Variants in PRKCZ observed in about 807,000 individuals in gnomAD.
The protein encoded by PRKCZ is protein kinase C zeta type.
Under a neutral mutation model 79.5 loss-of-function variants are expected in PRKCZ, and 33 were observed. That is an observed-to-expected ratio of 0.41 (90% CI 0.31 to 0.55). The LOEUF (loss-of-function observed/expected upper bound fraction) is 0.55. Among genes scored for constraint, PRKCZ ranks in the 20% least tolerant of loss-of-function variants. The pLI, the probability that PRKCZ is intolerant of heterozygous loss-of-function variation, is 0.19. For missense variants in PRKCZ, 578 were observed against 813.5 expected (o/e 0.71, Z 3.52); for synonymous variants, 342 against 320.9 (o/e 1.07, Z -0.70).
intron 11 of PRKCZ, among the ~76,000 whole-genome samples, chr1:2,170,248 G>A (rs414777): frequency 0.24 from 35,811 of 152,060 alleles, 4,869 homozygotes; most frequent in Admixed American, 0.33. Flanking sequence ...CCTGGCAGCC[G>A]AGGGGCCTCC....
At chr1:2,056,665 A>G (rs1300081989) in intron 3 of PRKCZ, 92 bp downstream of exon 3, 1 of 1,175,260 alleles carries the variant, frequency 8.5e-7, no homozygotes, top group East Asian at 2.7e-5. Flanking sequence ...AATGGTTTAA[A>G]ATCCTATGAT....
rs551194608 is a variant in PRKCZ at position 2,063,845 on chromosome 1, CTT to C, written c.334+4271_334+4272del. ...TTTTTCATGTGCCTGTTGGCCATTT[CTT>C]TTTTTTTTTTTTTTTTGAGTTGGAG... On this transcript the variant is annotated intron_variant, in intron 4 of 17. Coordinates refer to ENST00000378567, the MANE Select transcript of PRKCZ (RefSeq NM_002744.6). Among the ~76,000 whole-genome samples the C allele has an allele frequency of 9.3e-4, 116 of 124,466 alleles. 1 individual carries two copies. In the South Asian group the frequency reaches 0.011, roughly 11 times the overall value. 81.7% of individuals were successfully genotyped at this position (124,466 alleles called of 152,430 possible). A position where few individuals can be genotyped will look rare whatever the true frequency, so the allele number is the denominator to read the frequency against.
chr1:2,096,013 A>T (rs1006553031), intron 4 of PRKCZ, among the ~76,000 whole-genome samples: 7 of 149,886 alleles, frequency 4.7e-5, no homozygotes, highest in Non-Finnish European at 1.0e-4. Context: ...TCTGCGGAGT[A>T]AATGGGTGTG....
intron 4 of PRKCZ, among the ~76,000 whole-genome samples, chr1:2,097,708 G>T (rs1666763492): frequency 1.3e-5 from 2 of 152,238 alleles, no homozygotes; most frequent in African/African-American, 4.8e-5. Context: ...TGCCAGGGGG[G>T]CCCAGGCTCC....
chr1:2,062,918 A>G lies in PRKCZ; in HGVS notation c.334+3327A>G, dbSNP rs117047034. On this transcript the variant is annotated intron_variant, in intron 4 of 17. Coordinates refer to ENST00000378567, the MANE Select transcript of PRKCZ (RefSeq NM_002744.6). ...CAGACTCAGCCTCTGTCTCCATGAAACACTCACTCCCCATTCTGCCTCCCC... is the reference window on the plus strand; with the variant it reads ...CAGACTCAGCCTCTGTCTCCATGAAGCACTCACTCCCCATTCTGCCTCCCC... Among the ~76,000 whole-genome samples the G allele has an allele frequency of 1.8e-3, 276 of 152,192 alleles. 4 individuals carry two copies. In the East Asian group the frequency reaches 0.046, roughly 25 times the overall value.
In PRKCZ at chr1:2,124,032, C is replaced by T. The variant is rs1384295162; in HGVS notation, c.335-11230C>T. ...ACGGTGGCGGTTAGGGTCACGGCGG[C>T]GGTTAGGGTCACGGCGGCGGTTAGG... On this transcript the variant is annotated intron_variant, in intron 4 of 17. Coordinates refer to ENST00000378567, the MANE Select transcript of PRKCZ (RefSeq NM_002744.6). Among the ~76,000 whole-genome samples, 12 of 2,158 alleles carry T rather than the reference C, an allele frequency of 5.6e-3. 5 individuals are homozygous for T. The highest frequency in any genetic ancestry group is 0.034 in the African/African-American group (9 of 266). The allele number at this position is 2,158 out of a possible 152,430, so 1.4% of individuals were successfully genotyped here. A position where few individuals can be genotyped will look rare whatever the true frequency, so the allele number is the denominator to read the frequency against.
intron 4 of PRKCZ, among the ~76,000 whole-genome samples, chr1:2,090,341 G>C (rs764150629): frequency 1.3e-5 from 2 of 152,172 alleles, no homozygotes; most frequent in Non-Finnish European, 2.9e-5. Context: ...CCGCAGAAGG[G>C]GCCCGTGCAC....
rs1287498551 is a variant in PRKCZ, at chr1:2,173,477, C to G, written c.1286-420C>G. 6.6e-6 allele frequency among the ~76,000 whole-genome samples: 1 copy of G among 152,230 alleles called. No homozygotes were observed. Among genetic ancestry groups the G allele is most frequent in the Non-Finnish European group, 1.5e-5 (1 of 68,048 alleles). Reference sequence around the variant, plus strand: ...GAACACATTCCCAACAGGTTGACTACTTGAACCTTTTTAAAAAACAAAATG... The same window carrying G: ...GAACACATTCCCAACAGGTTGACTAGTTGAACCTTTTTAAAAAACAAAATG... On this transcript the variant is annotated intron_variant, in intron 13 of 17. Coordinates refer to ENST00000378567, the MANE Select transcript of PRKCZ (RefSeq NM_002744.6). This position sits in a 1 kb window ranked among gnomAD's most constrained non-coding sequence, Gnocchi z 5.7.
intron 4 of PRKCZ, among the ~76,000 whole-genome samples, chr1:2,099,045 G>A (rs903810328): frequency 4.0e-5 from 6 of 151,282 alleles, no homozygotes; most frequent in East Asian, 3.9e-4. Context: ...TGTGACTTCC[G>A]TCGTTGTCTG....
In PRKCZ at chr1:2,082,325, A is replaced by G. The variant is rs1271408594; in HGVS notation, c.334+22734A>G. 1.1e-5 allele frequency: 5 copies of G among 454,300 alleles called. No homozygotes were observed. The East Asian group carries it at 2.8e-4, about 25-fold the overall frequency. The allele number at this position is 454,300 out of a possible 1,614,324, so 28.1% of individuals were successfully genotyped here. On this transcript the variant is annotated intron_variant, in intron 4 of 17. Transcript: ENST00000378567. This position sits in a 1 kb window ranked among gnomAD's most constrained non-coding sequence, Gnocchi z 4.4. ...CTGCCAGAGCGGCTGTTCAAGATGG[A>G]CTTGGCAAATCACCTCTTTCAAGTT...
chr1:2,076,596 G>T (rs558129645), intron 4 of PRKCZ, among the ~76,000 whole-genome samples: 4 of 152,212 alleles, frequency 2.6e-5, no homozygotes, highest in Admixed American at 1.3e-4. Flanking sequence ...ACAAAAATTA[G>T]CTGGGCGTGG....
At position 2,172,013 on chromosome 1, in the gene PRKCZ, C is replaced by T; in HGVS notation, c.1062-42C>T. ...CAGGCTGGAGCTGTTGGCGCAGCCT[C>T]TGGCACAGGCACTGCCCCCATGACG... is the stretch of plus-strand genomic sequence containing the variant. On this transcript the variant is annotated intron_variant, in intron 11 of 17. Coordinates refer to ENST00000378567, the MANE Select transcript of PRKCZ (RefSeq NM_002744.6). This position sits in a 1 kb window ranked among gnomAD's most constrained non-coding sequence, Gnocchi z 7.8. 2 of 1,556,244 alleles carry T rather than the reference C, an allele frequency of 1.3e-6. No homozygotes were observed. Among genetic ancestry groups the T allele is most frequent in the East Asian group, 2.3e-5 (1 of 44,366 alleles).
chr1:2,056,815 G>A (rs1260634079), intron 3 of PRKCZ, among the ~76,000 whole-genome samples: 5 of 148,170 alleles, frequency 3.4e-5, no homozygotes, highest in African/African-American at 7.6e-5. Context: ...TGCAAGCTCC[G>A]CCTCCTGGGT....
At chr1:2,148,993 G>A (rs1679302313) in intron 8 of PRKCZ, 69 bp downstream of exon 8, 2 of 1,519,358 alleles carry the variant, frequency 1.3e-6, no homozygotes, top group Admixed American at 1.7e-5. Flanking sequence ...TGTCTCTGGG[G>A]TAGTCACGGA....
At chr1:2,184,551 G>C in intron 16 of PRKCZ, 32 bp from the exon 17 acceptor site, 2 of 1,570,702 alleles carry the variant, frequency 1.3e-6, no homozygotes, top group Non-Finnish European at 1.7e-6. Context: ...ATGCCCGCGC[G>C]GAGCTGACCC....
At chr1:2,090,549 G>T (rs955997314) in intron 4 of PRKCZ, among the ~76,000 whole-genome samples, 5 of 152,150 alleles carry the variant, frequency 3.3e-5, no homozygotes, top group Non-Finnish European at 7.4e-5. Flanking sequence ...AGTCTGCCCC[G>T]GTCCCTGGGG....
chr1:2,104,791 A>G, intron 4 of PRKCZ: 1 of 985,966 alleles, frequency 1.0e-6, no homozygotes, highest in Non-Finnish European at 1.2e-6. Context: ...CCCGGGGCCG[A>G]GCACGAAAGG....
intron 16 of PRKCZ, chr1:2,182,582 T>C (rs1292803409): frequency 6.5e-6 from 1 of 154,824 alleles, no homozygotes; most frequent in Non-Finnish European, 1.5e-5. Flanking sequence ...CGAGCTGGGC[T>C]GTTCGGCTTG....
At chr1:2,139,032 C>T (rs1676791542) in intron 5 of PRKCZ, among the ~76,000 whole-genome samples, 1 of 152,180 alleles carries the variant, frequency 6.6e-6, no homozygotes, top group Non-Finnish European at 1.5e-5. Context: ...CAGATTTTTT[C>T]AGTTTCCAAA....
Sources: gnomAD v4.1 joint callset for allele counts (sites outside exome capture counted in the v4.1 genomes callset) on GRCh38, gnomAD v4.1.1 for gene constraint, Gnocchi (gnomAD v3.1) non-coding constraint, MANE v1.5 for transcripts, NCBI Gene and HGNC (gene_info 2026-07-23, HGNC 2026-07-21) for gene names.